KHDRBS2: variants seen among roughly 807,000 people sequenced by gnomAD.
KHDRBS2 encodes KH RNA binding domain containing, signal transduction associated 2.
Under a neutral mutation model 44.3 loss-of-function variants are expected in KHDRBS2, and 26 were observed. The observed-to-expected ratio is 0.59, with a 90% confidence interval of 0.43 to 0.81. The LOEUF is 0.81. Among genes scored for constraint, KHDRBS2 ranks in the 40% least tolerant of loss-of-function variants. The probability of loss-of-function intolerance (pLI) is 0.00; values close to 1 mark genes in which losing one functional copy is unlikely to be tolerated. For synonymous variants in KHDRBS2, 194 were observed against 151.1 expected, an observed-to-expected ratio of 1.28 and a Z score of -2.08; for missense variants, 476 against 433.1, an observed-to-expected ratio of 1.10 and a Z score of -0.88.
chr6:61,588,352 C>T, the KHDRBS2 span, among the ~76,000 whole-genome samples: 1 of 152,178 alleles, frequency 6.6e-6, no homozygotes, highest in Non-Finnish European at 1.5e-5. Context: ...CTACCTTCTC[C>T]TCTTTTGAGG....
the KHDRBS2 span, among the ~76,000 whole-genome samples, chr6:61,657,643 T>C: frequency 6.6e-6 from 1 of 151,956 alleles, no homozygotes; most frequent in African/African-American, 2.4e-5. Context: ...TTTGGAAGCC[T>C]TTCTCCTGAT....
intron 6 of KHDRBS2, among the ~76,000 whole-genome samples, chr6:61,848,461 T>G (rs1794734200): frequency 8.7e-6 from 1 of 114,360 alleles, no homozygotes; most frequent in South Asian, 2.9e-4. Flanking sequence ...TTGAGAGAAA[T>G]GGAGGTTTTA....
At chr6:61,825,019 T>A (rs1329691082) in intron 6 of KHDRBS2, among the ~76,000 whole-genome samples, 1 of 152,136 alleles carries the variant, frequency 6.6e-6, no homozygotes, top group Admixed American at 6.6e-5. Context: ...TTCACAATTC[T>A]TATCTGGAAA....
chr6:62,119,270 G>A (rs1276030829), intron 2 of KHDRBS2, among the ~76,000 whole-genome samples: 3 of 152,170 alleles, frequency 2.0e-5, no homozygotes, highest in Non-Finnish European at 4.4e-5. Context: ...GAGTCAAGAA[G>A]TTTAGTGACT....
At chr6:61,735,916 T>C (rs1356440902) in intron 6 of KHDRBS2, among the ~76,000 whole-genome samples, 1 of 152,018 alleles carries the variant, frequency 6.6e-6, no homozygotes, top group African/African-American at 2.4e-5. Context: ...ATTTGTTTTG[T>C]CTCTTTTTTA....
In KHDRBS2 at chr6:61,850,423, T is replaced by G. The variant is rs535301165; in HGVS notation, c.810+44212A>C. On this transcript the variant is annotated intron_variant, in intron 6 of 8. Coordinates refer to ENST00000281156, the MANE Select transcript of KHDRBS2 (RefSeq NM_152688.4). Reference sequence around the variant, plus strand: ...CATAGGGAAATACATTTGCATTTATTATAAGCAAATAATTAGCACGGAGAA... The same window carrying G: ...CATAGGGAAATACATTTGCATTTATGATAAGCAAATAATTAGCACGGAGAA... 5.3e-5 allele frequency among the ~76,000 whole-genome samples: 8 copies of G among 152,296 alleles called. No individual in the cohort carries two copies. The South Asian group carries it at 1.4e-3, about 28-fold the overall frequency.
intron 2 of KHDRBS2, among the ~76,000 whole-genome samples, chr6:62,060,790 G>A (rs1316592989): frequency 6.6e-6 from 1 of 151,778 alleles, no homozygotes; most frequent in South Asian, 2.1e-4. Context: ...CACATAGTTG[G>A]AGAATATAAT....
At chr6:62,036,793 G>C (rs1054495946) in intron 3 of KHDRBS2, among the ~76,000 whole-genome samples, 1 of 151,894 alleles carries the variant, frequency 6.6e-6, no homozygotes, top group African/African-American at 2.4e-5. Flanking sequence ...GCAAATTACT[G>C]TTTCATGGGC....
At chr6:61,826,118 T>G (rs2127256984) in intron 6 of KHDRBS2, among the ~76,000 whole-genome samples, 1 of 152,246 alleles carries the variant, frequency 6.6e-6, no homozygotes, top group African/African-American at 2.4e-5. Flanking sequence ...ATTATTTTAG[T>G]CCTTGGACCT....
chr6:61,900,546 A>G (rs1386240435), intron 5 of KHDRBS2, among the ~76,000 whole-genome samples: 1 of 152,164 alleles, frequency 6.6e-6, no homozygotes, highest in South Asian at 2.1e-4. Context: ...CTGCAAAACA[A>G]ATTCTAATAC....
chr6:61,610,778 G>A, the KHDRBS2 span, among the ~76,000 whole-genome samples: 33 of 152,300 alleles, frequency 2.2e-4, no homozygotes, highest in South Asian at 5.4e-3. Context: ...AAAACAAGTA[G>A]CTACAACCCT....
At chr6:62,062,965 G>T (rs1792401268) in intron 2 of KHDRBS2, among the ~76,000 whole-genome samples, 1 of 151,016 alleles carries the variant, frequency 6.6e-6, no homozygotes, top group African/African-American at 2.4e-5. Context: ...CGATCCCACA[G>T]AAATACAAAC....
the KHDRBS2 span, among the ~76,000 whole-genome samples, chr6:61,621,956 C>T: frequency 7.2e-5 from 11 of 152,248 alleles, 1 homozygote; most frequent in African/African-American, 1.4e-4. Flanking sequence ...TAAGAAGCTT[C>T]GACCTCAGTT....
At chr6:61,773,210 C>A (rs1335873094) in intron 6 of KHDRBS2, among the ~76,000 whole-genome samples, 1 of 152,070 alleles carries the variant, frequency 6.6e-6, no homozygotes, top group Non-Finnish European at 1.5e-5. Context: ...CCTGAGGAAT[C>A]GCCACACTGA....
At chr6:61,967,103 T>C (rs1013579828) in intron 4 of KHDRBS2, among the ~76,000 whole-genome samples, 4 of 151,816 alleles carry the variant, frequency 2.6e-5, no homozygotes, top group African/African-American at 9.6e-5. Flanking sequence ...AATTATCTTG[T>C]TCATTTAAAG....
the KHDRBS2 span, among the ~76,000 whole-genome samples, chr6:61,619,718 T>G: frequency 2.0e-5 from 3 of 152,092 alleles, no homozygotes; most frequent in Admixed American, 2.0e-4. Context: ...CCTCCCAAAG[T>G]GCTGGGATTA....
intron 3 of KHDRBS2, among the ~76,000 whole-genome samples, chr6:62,041,183 T>C (rs1472724025): frequency 6.6e-6 from 1 of 151,920 alleles, no homozygotes; most frequent in Non-Finnish European, 1.5e-5. Flanking sequence ...ATACAAAAAT[T>C]AGCAGGGCAT....
At chr6:62,165,906 C>T (rs780984864) in intron 2 of KHDRBS2, among the ~76,000 whole-genome samples, 1 of 151,894 alleles carries the variant, frequency 6.6e-6, no homozygotes, top group Non-Finnish European at 1.5e-5. Flanking sequence ...CTATCCACTT[C>T]TAGAAGTTTT....
At chr6:62,160,603 T>G (rs1434683268) in intron 2 of KHDRBS2, among the ~76,000 whole-genome samples, 1 of 152,084 alleles carries the variant, frequency 6.6e-6, no homozygotes, top group Non-Finnish European at 1.5e-5. Context: ...CCTATATGTT[T>G]AAAGATGACC....
Sources: gnomAD v4.1 joint callset for allele counts (sites outside exome capture counted in the v4.1 genomes callset) on GRCh38, gnomAD v4.1.1 for gene constraint, MANE v1.5 for transcripts, NCBI Gene and HGNC (gene_info 2026-07-23, HGNC 2026-07-21) for gene names.